Variants in RNGTT observed in about 807,000 individuals in gnomAD.
RNGTT encodes mRNA-capping enzyme.
In RNGTT, 33 loss-of-function variants were observed where a neutral mutation model predicts 79.3. The observed-to-expected ratio is 0.42, with a 90% CI of 0.32 to 0.56. The LOEUF (loss-of-function observed/expected upper bound fraction) is 0.56. RNGTT is among the 20% of genes least tolerant of loss of function. RNGTT has a pLI of 0.17. For synonymous variants in RNGTT, 222 were observed against 235.9 expected, an observed-to-expected ratio of 0.94 and a Z score of 0.54; for missense variants, 497 against 739.1, an observed-to-expected ratio of 0.67 and a Z score of 3.80.
At position 88,914,174 on chromosome 6, in the gene RNGTT, TGAAA is replaced by T. The variant is rs143272518; in HGVS notation, c.368-7738_368-7735del. On this transcript the variant is annotated intron_variant, in intron 4 of 15. Coordinates refer to ENST00000369485, the MANE Select transcript of RNGTT (RefSeq NM_003800.5). ...TAAAAAAAATTCCATGCTCATGGAT[TGAAA>T]GAATCAATATCGTTAAAATGTCCAT... is the stretch of plus-strand genomic sequence containing the variant. Among the ~76,000 whole-genome samples the T allele has an allele frequency of 3.2e-3, 482 of 152,226 alleles. 4 individuals are homozygous for T. Among genetic ancestry groups the T allele is most frequent in the African/African-American group, 0.011 (450 of 41,566 alleles).
At chr6:88,698,339 TATTGA>T (rs1775827889) in intron 13 of RNGTT, among the ~76,000 whole-genome samples, 2 of 144,048 alleles carry the variant, frequency 1.4e-5, no homozygotes, top group Non-Finnish European at 3.0e-5. Flanking sequence ...TTTTGGTAGG[TATTGA>T]ATTATCATTA....
chr6:88,751,861 C>A (rs1295280419), intron 13 of RNGTT, among the ~76,000 whole-genome samples: 1 of 152,022 alleles, frequency 6.6e-6, no homozygotes, highest in Non-Finnish European at 1.5e-5. Context: ...AAATCAAAAT[C>A]AACCACTAGC....
At chr6:88,761,624 C>G (rs1433827806) in intron 13 of RNGTT, among the ~76,000 whole-genome samples, 6 of 152,166 alleles carry the variant, frequency 3.9e-5, no homozygotes, top group African/African-American at 1.4e-4. Context: ...AAACTATAGT[C>G]TACAGGCCAC....
At chr6:88,849,947 T>C (rs1324712574) in intron 9 of RNGTT, 121 bp from the exon 10 acceptor site, 84 of 956,788 alleles carry the variant, frequency 8.8e-5, no homozygotes, top group Middle Eastern at 3.7e-4. Context: ...TGATGAAATT[T>C]CAAAGTGAAC....
intron 4 of RNGTT, among the ~76,000 whole-genome samples, chr6:88,914,378 C>G (rs923225741): frequency 6.6e-6 from 1 of 151,846 alleles, no homozygotes; most frequent in African/African-American, 2.4e-5. Context: ...TACAACCAAC[C>G]GCAAACTATG....
intron 13 of RNGTT, among the ~76,000 whole-genome samples, chr6:88,751,251 C>T (rs1777828847): frequency 2.6e-5 from 4 of 152,080 alleles, no homozygotes; most frequent in Admixed American, 2.6e-4. Context: ...TCTACACTCC[C>T]TTGAGACCAT....
chr6:88,836,284 G>A (rs1781077493), intron 11 of RNGTT, among the ~76,000 whole-genome samples: 1 of 151,050 alleles, frequency 6.6e-6, no homozygotes, highest in African/African-American at 2.4e-5. Context: ...AAGTAGAAAA[G>A]TGCAGATAAT....
chr6:88,648,193 G>A (rs1773651233), intron 14 of RNGTT, among the ~76,000 whole-genome samples: 1 of 152,056 alleles, frequency 6.6e-6, no homozygotes. Context: ...AAGACTGTAA[G>A]ACTTAGGAAT....
intron 11 of RNGTT, among the ~76,000 whole-genome samples, chr6:88,843,278 T>C (rs908139301): frequency 6.6e-6 from 1 of 151,960 alleles, no homozygotes; most frequent in African/African-American, 2.4e-5. Context: ...AAACCAAAAA[T>C]TCTACTTACC....
chr6:88,866,987 C>T (rs1782194587), intron 8 of RNGTT, among the ~76,000 whole-genome samples: 1 of 152,198 alleles, frequency 6.6e-6, no homozygotes, highest in African/African-American at 2.4e-5. Context: ...TTGCTACTTA[C>T]AATGTGGTCC....
At chr6:88,675,023 G>A (rs779686495) in intron 14 of RNGTT, among the ~76,000 whole-genome samples, 17 of 151,616 alleles carry the variant, frequency 1.1e-4, no homozygotes, top group Non-Finnish European at 1.9e-4. Flanking sequence ...ACTTGAACTC[G>A]GGAGGCAGAG....
At chr6:88,723,111 G>T (rs922986147) in intron 13 of RNGTT, among the ~76,000 whole-genome samples, 3 of 152,164 alleles carry the variant, frequency 2.0e-5, no homozygotes, top group Non-Finnish European at 4.4e-5. Flanking sequence ...CCTTCAGGAG[G>T]TATTCCAGAA....
At chr6:88,895,598 A>G (rs1783218449) in intron 6 of RNGTT, among the ~76,000 whole-genome samples, 1 of 152,232 alleles carries the variant, frequency 6.6e-6, no homozygotes, top group African/African-American at 2.4e-5. Flanking sequence ...ACTGTACTTA[A>G]CAAAAATAAA....
In RNGTT at chr6:88,771,327, A is replaced by G. The variant is rs1188079370; in HGVS notation, c.1339-1453T>C. Among the ~76,000 whole-genome samples the G allele has an allele frequency of 1.4e-3, 170 of 119,618 alleles. 1 individual carries two copies. Among genetic ancestry groups the G allele is most frequent in the South Asian group, 7.1e-3 (28 of 3,924 alleles). The allele number at this position is 119,618 out of a possible 152,430, so 78.5% of individuals were successfully genotyped here. On this transcript the variant is annotated intron_variant, in intron 12 of 15. Coordinates refer to ENST00000369485, the MANE Select transcript of RNGTT (RefSeq NM_003800.5). Reference sequence around the variant, plus strand: ...TATGTGTGTGTGTGTATATATATATATATATATATATATATATATATATAC... The same window carrying G: ...TATGTGTGTGTGTGTATATATATATGTATATATATATATATATATATATAC...
At chr6:88,926,021 G>A (rs11755037) in intron 4 of RNGTT, among the ~76,000 whole-genome samples, 2 of 152,070 alleles carry the variant, frequency 1.3e-5, no homozygotes, top group Admixed American at 6.5e-5. Context: ...ACTCCTAAAA[G>A]AAAAATACTC....
chr6:88,869,764 T>C (rs1782294983), intron 8 of RNGTT, among the ~76,000 whole-genome samples: 1 of 152,114 alleles, frequency 6.6e-6, no homozygotes, highest in African/African-American at 2.4e-5. Flanking sequence ...AAATATATTA[T>C]GGACTCATAA....
In RNGTT at chr6:88,853,727, T is replaced by C; in HGVS notation, c.934A>G (p.Met312Val). ...AATACTGAATTGTCTCTATCAATCA[T>C]AAAAACTTCATTTGTGCCATCAATC... is the stretch of plus-strand genomic sequence containing the variant. ...MLIDGTNEVFMIDRDNSVFHV... is the reference protein window; with the variant it reads ...MLIDGTNEVFVIDRDNSVFHV... The change falls in exon 9 of 16, where the codon ATG becomes GTG. Residue 312 changes from methionine to valine, a missense_variant. Around this residue, in one of 3 missense-constraint regions of RNGTT, gnomAD observed 440 missense variants for 671.5 expected, o/e 0.66. Transcript: ENST00000369485. The C allele has an allele frequency of 3.2e-6, 5 of 1,575,316 alleles. No homozygotes were observed. The highest frequency in any genetic ancestry group is 4.3e-6 in the Non-Finnish European group (5 of 1,155,508).
intron 8 of RNGTT, among the ~76,000 whole-genome samples, chr6:88,876,357 T>C (rs918595585): frequency 4.6e-5 from 7 of 152,056 alleles, no homozygotes; most frequent in African/African-American, 1.4e-4. Context: ...GGGGAAACCC[T>C]ATCTCAACAA....
In RNGTT at chr6:88,610,430, T is replaced by A. The variant is rs1771980979; in HGVS notation, c.*2289A>T. The A allele has an allele frequency of 6.6e-6, 1 of 152,582 alleles. No homozygotes were observed. Among genetic ancestry groups the A allele is most frequent in the African/African-American group, 2.4e-5 (1 of 41,448 alleles). The allele number at this position is 152,582 out of a possible 1,614,324, so 9.5% of individuals were successfully genotyped here. A position where few individuals can be genotyped will look rare whatever the true frequency, so the allele number is the denominator to read the frequency against. On this transcript the variant is annotated 3_prime_UTR_variant, in exon 16 of 16. Coordinates refer to ENST00000369485, the MANE Select transcript of RNGTT (RefSeq NM_003800.5). ...AACAAAAAGCAAAAGCTTTCACATG[T>A]GATAACTGAAGAAAGCAAAGTTTTC...
Sources: gnomAD v4.1 joint callset for allele counts (sites outside exome capture counted in the v4.1 genomes callset) on GRCh38, gnomAD v4.1.1 for gene constraint, gnomAD v4.1.1 regional missense constraint, MANE v1.5 for transcripts, NCBI Gene and HGNC (gene_info 2026-07-23, HGNC 2026-07-21) for gene names.